The following ABI3BP variants were observed in gnomAD, a reference collection of about 807,000 sequenced individuals.
The protein encoded by ABI3BP is ABI family member 3 binding protein, also known as target of Nesh-SH3.
Under a neutral mutation model 268.6 loss-of-function variants are expected in ABI3BP, and 216 were observed. The observed-to-expected ratio is 0.80, with a 90% confidence interval of 0.72 to 0.90. ABI3BP has a LOEUF of 0.90. Ranked by LOEUF, ABI3BP falls within the 40% of genes least tolerant of loss-of-function variation. The pLI is 0.00. For missense variants in ABI3BP, 2,090 were observed against 2,182.4 expected, an observed-to-expected ratio of 0.96 and a Z score of 0.84; for synonymous variants, 730 against 730.0, an observed-to-expected ratio of 1.00 and a Z score of 0.00.
intron 63 of ABI3BP, among the ~76,000 whole-genome samples, chr3:100,764,451 C>A (rs11716316): frequency 0.26 from 40,054 of 152,078 alleles, 6,003 homozygotes; most frequent in East Asian, 0.62. Flanking sequence ...AAACCTTTTA[C>A]AAACAAATTG....
intron 1 of ABI3BP, among the ~76,000 whole-genome samples, chr3:100,991,774 TG>T (rs1398798115): frequency 8.5e-5 from 13 of 152,148 alleles, no homozygotes; most frequent in South Asian, 2.1e-4. Context: ...TCGACAACTA[TG>T]TTTTTTTTTC....
At chr3:100,963,950 T>C (rs538667079) in intron 1 of ABI3BP, among the ~76,000 whole-genome samples, 4 of 152,344 alleles carry the variant, frequency 2.6e-5, no homozygotes, top group African/African-American at 9.6e-5. Flanking sequence ...GGTTTCTCTG[T>C]TTTTAGCCCT....
intron 31 of ABI3BP, among the ~76,000 whole-genome samples, 183 bp from the exon 32 acceptor site, chr3:100,830,817 C>T (rs749245140): frequency 6.6e-6 from 1 of 152,082 alleles, no homozygotes; most frequent in African/African-American, 2.4e-5. Context: ...ATCAGGTACT[C>T]GTTTGACTCA....
intron 1 of ABI3BP, among the ~76,000 whole-genome samples, chr3:100,939,258 A>G (rs757796222): frequency 2.6e-5 from 4 of 152,114 alleles, no homozygotes; most frequent in Non-Finnish European, 4.4e-5. Flanking sequence ...TTCCAGAAAG[A>G]GGGATGTCGC....
rs184983050 is a variant in ABI3BP, at chr3:100,765,717, C to T, written c.4850+124G>A. On this transcript the variant is annotated intron_variant, in intron 63 of 67. Transcript: ENST00000471714. ...GTATCTAGTGCTATATATAGAAAAC[C>T]CAAGAGTGAAATGGAAGCTAGAGCC... is the stretch of plus-strand genomic sequence containing the variant. 8.5e-5 allele frequency: 61 copies of T among 720,738 alleles called. No individual in the cohort carries two copies. The East Asian group carries it at 1.6e-3, about 18-fold the overall frequency. The allele number at this position is 720,738 out of a possible 1,614,324, so 44.6% of individuals were successfully genotyped here.
Position 100,946,396 on chromosome 3 carries a change from A to G in ABI3BP, c.80-19915T>C, listed in dbSNP as rs1282746044. ...AAAAAAAAAAAAAAAAGATGAGATC[A>G]CTTATTTTGTTATAATAATTATTGT... On this transcript the variant is annotated intron_variant, in intron 1 of 67. Coordinates refer to ENST00000471714, the MANE Select transcript of ABI3BP (RefSeq NM_001375547.2). Among the ~76,000 whole-genome samples the G allele has an allele frequency of 2.6e-5, 4 of 151,564 alleles. No homozygotes were observed. In the East Asian group the frequency reaches 5.8e-4, roughly 22 times the overall value.
chr3:100,854,709 T>C (rs1050696351), intron 14 of ABI3BP, among the ~76,000 whole-genome samples: 1 of 152,230 alleles, frequency 6.6e-6, no homozygotes, highest in Admixed American at 6.5e-5. Flanking sequence ...TCACAGAACA[T>C]ACATGGGACC....
Position 100,830,106 on chromosome 3 carries a change from CATACATATATATAT to C in ABI3BP, c.2459-456_2459-443del, listed in dbSNP as rs1203011826. Among the ~76,000 whole-genome samples, 220 of 76,944 alleles carry C rather than the reference CATACATATATATAT, an allele frequency of 2.9e-3. 1 individual carries two copies. Among genetic ancestry groups the C allele is most frequent in the African/African-American group, 0.013 (184 of 14,422 alleles). The allele number at this position is 76,944 out of a possible 152,430, so 50.5% of individuals were successfully genotyped here. On this transcript the variant is annotated intron_variant, in intron 32 of 67. Coordinates refer to ENST00000471714, the MANE Select transcript of ABI3BP (RefSeq NM_001375547.2). ...CTATATACATATACATACATACATA[CATACATATATATAT>C]ATATATATATATATATATATATATA...
intron 17 of ABI3BP, among the ~76,000 whole-genome samples, chr3:100,849,449 C>A (rs1314674489): frequency 1.5e-4 from 23 of 152,098 alleles, no homozygotes; most frequent in Admixed American, 1.4e-3. Context: ...GTCTTGAACT[C>A]CTGGCCTCAT....
intron 57 of ABI3BP, among the ~76,000 whole-genome samples, chr3:100,780,477 C>A (rs7613610): frequency 0.23 from 34,900 of 151,994 alleles, 4,370 homozygotes; most frequent in East Asian, 0.32. Context: ...TCCTGCACTG[C>A]CTTACTGGGT....
At chr3:100,847,398 T>C (rs80277302) in intron 19 of ABI3BP, among the ~76,000 whole-genome samples, 7,348 of 152,286 alleles carry the variant, frequency 0.048, 219 homozygotes, top group Non-Finnish European at 0.052. Flanking sequence ...ATCTGAAGGC[T>C]GAGTTCAGAT....
intron 63 of ABI3BP, among the ~76,000 whole-genome samples, chr3:100,759,096 G>T (rs2095801912): frequency 6.6e-6 from 1 of 152,038 alleles, no homozygotes; most frequent in Non-Finnish European, 1.5e-5. Context: ...TAAAAAGTTG[G>T]TTTTCATTCT....
At chr3:100,894,752 A>G (rs775041057) in intron 4 of ABI3BP, among the ~76,000 whole-genome samples, 1 of 151,890 alleles carries the variant, frequency 6.6e-6, no homozygotes, top group Admixed American at 6.6e-5. Flanking sequence ...ATCCTGGCTA[A>G]CACGGTGAAA....
chr3:100,843,292 C>T (rs76284098), intron 20 of ABI3BP, among the ~76,000 whole-genome samples: 4 of 152,112 alleles, frequency 2.6e-5, no homozygotes, highest in East Asian at 1.9e-4. Context: ...TTAAAAGCCC[C>T]GAATTCTGAT....
intron 59 of ABI3BP, among the ~76,000 whole-genome samples, chr3:100,776,989 C>T (rs546220866): frequency 6.6e-6 from 1 of 152,180 alleles, no homozygotes; most frequent in Non-Finnish European, 1.5e-5. Flanking sequence ...CCCCAGGTTA[C>T]AGTAAATGGG....
intron 1 of ABI3BP, among the ~76,000 whole-genome samples, chr3:100,942,971 C>T (rs1417767225): frequency 1.3e-5 from 2 of 152,086 alleles, no homozygotes; most frequent in East Asian, 3.9e-4. Context: ...GACTTTTACA[C>T]ATATTTTGGT....
intron 48 of ABI3BP, 85 bp downstream of exon 48, chr3:100,811,145 C>T (rs753181391): frequency 6.9e-4 from 796 of 1,151,790 alleles, no homozygotes; most frequent in Non-Finnish European, 8.6e-4. Context: ...AACATGAATT[C>T]ACAATGAGAG....
chr3:100,971,919 C>T (rs1012415602), intron 1 of ABI3BP, among the ~76,000 whole-genome samples: 1 of 151,954 alleles, frequency 6.6e-6, no homozygotes, highest in Non-Finnish European at 1.5e-5. Context: ...AGGATTCTTG[C>T]CAGTCCAATC....
intron 40 of ABI3BP, among the ~76,000 whole-genome samples, chr3:100,818,991 T>C (rs2098130549): frequency 6.6e-6 from 1 of 152,170 alleles, no homozygotes; most frequent in Non-Finnish European, 1.5e-5. Flanking sequence ...AGAGAAGACA[T>C]AGCAAAGAAT....
Sources: gnomAD v4.1 joint callset for allele counts (sites outside exome capture counted in the v4.1 genomes callset) on GRCh38, gnomAD v4.1.1 for gene constraint, MANE v1.5 for transcripts, NCBI Gene and HGNC (gene_info 2026-07-23, HGNC 2026-07-21) for gene names.